Variants in HESX1 observed in about 807,000 individuals in gnomAD.
The protein encoded by HESX1 is HESX homeobox 1, also known as homeobox expressed in ES cells 1.
A neutral mutation model predicts 22.5 loss-of-function variants in HESX1; 11 were observed. The ratio of observed to expected loss-of-function variants is 0.49; its 90% CI spans 0.31 to 0.81. HESX1 has a LOEUF of 0.81. HESX1 is among the 30% of genes least tolerant of loss of function. The pLI is 0.05. For synonymous variants in HESX1, 74 were observed against 76.5 expected, an observed-to-expected ratio of 0.97 and a Z score of 0.17; for missense variants, 201 against 212.6, an observed-to-expected ratio of 0.95 and a Z score of 0.34.
chr3:57,204,141 TATTC>T (rs200507771), upstream of HESX1, among the ~76,000 whole-genome samples: 2,421 of 152,324 alleles, frequency 0.016, 62 homozygotes, highest in African/African-American at 0.055. Context: ...GTGAGAAACA[TATTC>T]ATTGTTTAAG....
upstream of HESX1, among the ~76,000 whole-genome samples, chr3:57,226,843 A>C (rs994372487): frequency 6.6e-6 from 1 of 152,232 alleles, no homozygotes; most frequent in Non-Finnish European, 1.5e-5. Flanking sequence ...AAAGCCTACA[A>C]CTATACAGAG....
At chr3:57,212,267 A>G (rs776520166) in intron 1 of HESX1, among the ~76,000 whole-genome samples, 19 of 152,114 alleles carry the variant, frequency 1.2e-4, no homozygotes, top group Non-Finnish European at 2.5e-4. Flanking sequence ...TTTTTAAAAG[A>G]TTCATTCTAT....
upstream of HESX1, chr3:57,199,981 G>A (rs2060475537): frequency 3.4e-6 from 5 of 1,462,940 alleles, no homozygotes; most frequent in Non-Finnish European, 4.8e-6. Context: ...ACGTGTATAG[G>A]GCTGGGATCT....
chr3:57,219,259 GT>G (rs982932301), intron 1 of HESX1, among the ~76,000 whole-genome samples: 2 of 152,050 alleles, frequency 1.3e-5, no homozygotes, highest in Non-Finnish European at 2.9e-5. Flanking sequence ...TCTCATTGTG[GT>G]TTTTATTTGC....
At chr3:57,198,727 C>T in intron 2 of HESX1, 26 bp downstream of exon 2, 1 of 1,605,692 alleles carries the variant, frequency 6.2e-7, no homozygotes, top group South Asian at 1.1e-5. Context: ...TTTATATTAT[C>T]ATTATTGGGT....
intron 1 of HESX1, among the ~76,000 whole-genome samples, chr3:57,222,937 T>G (rs1180172768): frequency 6.6e-6 from 1 of 152,156 alleles, no homozygotes; most frequent in Non-Finnish European, 1.5e-5. Flanking sequence ...AAAATATTAG[T>G]TTTTAAAAAA....
chr3:57,198,035 A>G lies in HESX1; in HGVS notation c.*162T>C, dbSNP rs2060457867. The G allele has an allele frequency of 3.4e-6, 2 of 595,716 alleles. No individual in the cohort carries two copies. The highest frequency in any genetic ancestry group is 6.0e-5 in the Admixed American group (2 of 33,138). 36.9% of individuals were successfully genotyped at this position (595,716 alleles called of 1,614,324 possible). On this transcript the variant is annotated 3_prime_UTR_variant, in exon 4 of 4. Coordinates refer to ENST00000295934, the MANE Select transcript of HESX1 (RefSeq NM_003865.3). ...CTTTACTATAACTAAAAGTGCCCAA[A>G]TATGTACCATGCTATAATAGTATTT...
At chr3:57,211,544 A>AAAAAAAAAAAAG in intron 1 of HESX1, among the ~76,000 whole-genome samples, 1 of 146,134 alleles carries the variant, frequency 6.8e-6, no homozygotes, top group Admixed American at 6.8e-5. Context: ...AAAAAAAAAA[A>AAAAAAAAAAAAG]AAAAAAAGCC....
rs760065621 is a variant in HESX1, at chr3:57,199,777, T to A, written c.142A>T (p.Thr48Ser). 2 of 1,614,046 alleles carry A rather than the reference T, an allele frequency of 1.2e-6. No homozygotes were observed. Among genetic ancestry groups the A allele is most frequent in the East Asian group, 4.5e-5 (2 of 44,902 alleles). The change falls in exon 1 of 4, where the codon ACC becomes TCC. Residue 48 changes from threonine to serine, a missense_variant. Transcript: ENST00000295934. ...TGTGGCATACCTGATGAGCTGCAGG[T>A]GTCTGCCCAGGGCCTGTGGGGTTTC... ...LMKPHRPWAD[T>S]CSSSGKDGNL...
chr3:57,219,855 T>G (rs977072440), intron 1 of HESX1, among the ~76,000 whole-genome samples: 3 of 152,242 alleles, frequency 2.0e-5, no homozygotes, highest in African/African-American at 7.2e-5. Flanking sequence ...GAGATCCCAT[T>G]TGTCAATTTT....
intron 1 of HESX1, among the ~76,000 whole-genome samples, chr3:57,225,257 T>G (rs2060635438): frequency 6.6e-6 from 1 of 152,250 alleles, no homozygotes; most frequent in African/African-American, 2.4e-5. Flanking sequence ...AAAACTGGAT[T>G]CTAGTACAAA....
At chr3:57,209,985 C>T (rs2060544031) in intron 1 of HESX1, among the ~76,000 whole-genome samples, 2 of 152,250 alleles carry the variant, frequency 1.3e-5, no homozygotes, top group South Asian at 4.1e-4. Context: ...TAGGAAGTGG[C>T]AGAGCCTTGA....
chr3:57,202,397 G>A (rs531569600), upstream of HESX1, among the ~76,000 whole-genome samples: 7 of 152,072 alleles, frequency 4.6e-5, no homozygotes, highest in African/African-American at 9.6e-5. Context: ...GTGCGGTGGC[G>A]TGATCTCGGC....
At chr3:57,202,930 C>A (rs772238904), upstream of HESX1, among the ~76,000 whole-genome samples, 7 of 152,112 alleles carry the variant, frequency 4.6e-5, no homozygotes, top group Middle Eastern at 3.2e-3. Context: ...AAAGGTCTTG[C>A]AGTTGAAAAT....
At position 57,198,950 on chromosome 3, in the gene HESX1, T is replaced by G; in HGVS notation, c.160A>C (p.Lys54Gln). 1 of 1,613,958 alleles carries G rather than the reference T, an allele frequency of 6.2e-7. No homozygotes were observed. The highest frequency in any genetic ancestry group is 8.5e-7 in the Non-Finnish European group (1 of 1,179,854). The change falls in exon 2 of 4, where the codon AAA becomes CAA. Residue 54 changes from lysine (K) to glutamine (Q), a missense_variant and splice_region_variant. By Grantham distance (53) the Lys-to-Gln change is moderately conservative (BLOSUM62 1). Coordinates refer to ENST00000295934, the MANE Select transcript of HESX1 (RefSeq NM_003865.3). ...PWADTCSSSG[K>Q]DGNLCLHVPN... ...ACATGTAGACATAAGTTACCATCTT[T>G]CCCTAAAAACAAAAAAATAAGCCCT...
At chr3:57,212,557 C>CAAAAAAAAAAAAAAAAAAAAAAAAAAAA (rs56093005) in intron 1 of HESX1, among the ~76,000 whole-genome samples, 11 of 80,118 alleles carry the variant, frequency 1.4e-4, no homozygotes, top group South Asian at 4.2e-4. Context: ...GACTCTGTCT[C>CAAAAAAAAAAAAAAAAAAAAAAAAAAAA]AAAAAAAAAA....
Position 57,206,824 on chromosome 3 carries a change from A to C in HESX1, c.-110-6796T>G, listed in dbSNP as rs190984111. ...ATTAACAGCAAGCAAACATAAGCTCATAATCAAAGATCATCAAGCATCTGA... is the reference window on the plus strand; with the variant it reads ...ATTAACAGCAAGCAAACATAAGCTCCTAATCAAAGATCATCAAGCATCTGA... On this transcript the variant is annotated intron_variant, in intron 1 of 2. Transcript: ENST00000495160. Among the ~76,000 whole-genome samples, 436 of 152,374 alleles carry C rather than the reference A, an allele frequency of 2.9e-3. 13 individuals carry two copies. Among genetic ancestry groups the C allele is most frequent in the Admixed American group, 0.028 (424 of 15,306 alleles).
At chr3:57,222,654 A>T (rs1253405375) in intron 1 of HESX1, among the ~76,000 whole-genome samples, 1 of 152,094 alleles carries the variant, frequency 6.6e-6, no homozygotes, top group Admixed American at 6.6e-5. Flanking sequence ...GGGCACCTCT[A>T]CCCACTCACC....
rs1177428583 is a variant in HESX1 at position 57,225,497 on chromosome 3, C to T, written c.-111+799G>A. Among the ~76,000 whole-genome samples, 3 of 152,288 alleles carry T rather than the reference C, an allele frequency of 2.0e-5. No homozygotes were observed. The East Asian group carries it at 5.8e-4, about 29-fold the overall frequency. On this transcript the variant is annotated intron_variant, in intron 1 of 2. Coordinates refer to the HESX1 transcript ENST00000495160. Reference sequence around the variant, plus strand: ...GAGCTGGAACTACAGGCGTGTGCCACCATGCCCAGCTAATTTTTGTATTTT... The same window carrying T: ...GAGCTGGAACTACAGGCGTGTGCCATCATGCCCAGCTAATTTTTGTATTTT...
Sources: allele counts gnomAD v4.1 joint callset (sites outside exome capture counted in the v4.1 genomes callset), GRCh38; gene constraint gnomAD v4.1.1; transcripts MANE v1.5; gene names NCBI Gene and HGNC (gene_info 2026-07-23, HGNC 2026-07-21).